Variants in CDK6 observed in about 807,000 individuals in gnomAD.
CDK6 encodes cyclin dependent kinase 6, also known as cyclin-dependent kinase 6.
Under a neutral mutation model 37.1 loss-of-function variants are expected in CDK6, and 6 were observed. The observed-to-expected ratio is 0.16, with a 90% CI of 0.09 to 0.32. CDK6 has a LOEUF of 0.32. CDK6 is among the 10% of genes least tolerant of loss of function. The probability of loss-of-function intolerance (pLI) is 1.00; values close to 1 mark genes in which losing one functional copy is unlikely to be tolerated. For synonymous variants in CDK6, 160 were observed against 161.3 expected (o/e 0.99, Z 0.06); for missense variants, 224 against 418.9 (o/e 0.53, Z 4.06).
At chr7:92,708,720 G>A (rs1259244412) in intron 4 of CDK6, among the ~76,000 whole-genome samples, 2 of 152,244 alleles carry the variant, frequency 1.3e-5, no homozygotes, top group East Asian at 3.9e-4. Flanking sequence ...TTACAATTGG[G>A]ATAAACATTA....
Position 92,763,571 on chromosome 7 carries a change from A to G in CDK6, c.369+11125T>C, listed in dbSNP as rs1314198429. On this transcript the variant is annotated intron_variant, in intron 3 of 7. Transcript: ENST00000424848. Reference sequence around the variant, plus strand: ...TAATTTATATCTCCTATTAATGAGTAAGTATTTTTCAATAGAACATTTTAA... The same window carrying G: ...TAATTTATATCTCCTATTAATGAGTGAGTATTTTTCAATAGAACATTTTAA... Among the ~76,000 whole-genome samples the G allele has an allele frequency of 3.9e-5, 6 of 152,228 alleles. No homozygotes were observed. In the East Asian group the frequency reaches 1.2e-3, roughly 29 times the overall value.
chr7:92,818,031 A>G (rs1373971194), intron 2 of CDK6, among the ~76,000 whole-genome samples: 1 of 152,022 alleles, frequency 6.6e-6, no homozygotes, highest in East Asian at 1.9e-4. Context: ...GTCAGTGTCA[A>G]TATCTATGCC....
chr7:92,733,392 T>C (rs762741439), intron 3 of CDK6, among the ~76,000 whole-genome samples: 17 of 152,218 alleles, frequency 1.1e-4, no homozygotes, highest in Non-Finnish European at 2.2e-4. Flanking sequence ...CCAGCTAATA[T>C]TAGCTTCAGA....
chr7:92,689,144 T>C (rs1797540998), intron 4 of CDK6, among the ~76,000 whole-genome samples: 1 of 152,170 alleles, frequency 6.6e-6, no homozygotes, highest in African/African-American at 2.4e-5. Context: ...GCTCATAGGC[T>C]TTACAGGTAA....
At chr7:92,825,763 T>C (rs965103569) in intron 2 of CDK6, among the ~76,000 whole-genome samples, 1 of 152,192 alleles carries the variant, frequency 6.6e-6, no homozygotes, top group East Asian at 1.9e-4. Context: ...TTGATCAAAA[T>C]GTATTTATAA....
At chr7:92,740,791 AT>A (rs1270027492) in intron 3 of CDK6, among the ~76,000 whole-genome samples, 1 of 152,198 alleles carries the variant, frequency 6.6e-6, no homozygotes, top group Non-Finnish European at 1.5e-5. Context: ...GGGAAACCGA[AT>A]TTGAGAAGCC....
intron 4 of CDK6, among the ~76,000 whole-genome samples, chr7:92,721,475 C>T (rs750449807): frequency 6.6e-5 from 10 of 152,234 alleles, no homozygotes; most frequent in Admixed American, 4.6e-4. Flanking sequence ...TTGCCTAGGA[C>T]CAAGGCAAAC....
chr7:92,661,272 A>T (rs897212306), intron 5 of CDK6, among the ~76,000 whole-genome samples: 18 of 152,340 alleles, frequency 1.2e-4, no homozygotes, highest in African/African-American at 4.3e-4. Context: ...TACCTGTCAA[A>T]TAGGGATGAC....
intron 5 of CDK6, among the ~76,000 whole-genome samples, chr7:92,650,188 T>A (rs1032980846): frequency 5.9e-5 from 9 of 152,170 alleles, no homozygotes; most frequent in African/African-American, 2.2e-4. Flanking sequence ...CTCTAAAATA[T>A]TTTTCTTACC....
intron 2 of CDK6, among the ~76,000 whole-genome samples, chr7:92,788,076 A>G (rs1460606254): frequency 6.6e-6 from 1 of 152,204 alleles, no homozygotes; most frequent in African/African-American, 2.4e-5. Flanking sequence ...AGAAGCTGGA[A>G]AAACTGGTAT....
intron 5 of CDK6, among the ~76,000 whole-genome samples, chr7:92,631,462 C>A (rs1585350565): frequency 6.6e-6 from 1 of 152,178 alleles, no homozygotes; most frequent in African/African-American, 2.4e-5. Flanking sequence ...AGGTTTTATT[C>A]TCTTTTTTCC....
intron 3 of CDK6, among the ~76,000 whole-genome samples, chr7:92,762,278 T>C (rs1274744701): frequency 2.0e-5 from 3 of 152,174 alleles, no homozygotes; most frequent in African/African-American, 4.8e-5. Context: ...TCCTTCTTTT[T>C]TGTGACTCAT....
rs528888923 is a variant in CDK6, at chr7:92,724,506, T to C, written c.537+1120A>G. Among the ~76,000 whole-genome samples, 7 of 152,282 alleles carry C rather than the reference T, an allele frequency of 4.6e-5. No individual in the cohort carries two copies. In the South Asian group the frequency reaches 1.5e-3, roughly 32 times the overall value. ...GGGGGCAGGGGGTGGGGAACACTTTTATAAATTGGATTTTTTCCTAAGGCA... is the reference window on the plus strand; with the variant it reads ...GGGGGCAGGGGGTGGGGAACACTTTCATAAATTGGATTTTTTCCTAAGGCA... On this transcript the variant is annotated intron_variant, in intron 4 of 7. Coordinates refer to ENST00000424848, the MANE Select transcript of CDK6 (RefSeq NM_001145306.2).
intron 3 of CDK6, among the ~76,000 whole-genome samples, chr7:92,753,697 T>C (rs537896522): frequency 6.6e-6 from 1 of 152,292 alleles, no homozygotes; most frequent in Admixed American, 6.5e-5. Flanking sequence ...TCTCTTGCTC[T>C]AAGAGGGCCA....
At chr7:92,661,760 G>A (rs1250469798) in intron 5 of CDK6, among the ~76,000 whole-genome samples, 1 of 152,154 alleles carries the variant, frequency 6.6e-6, no homozygotes, top group Non-Finnish European at 1.5e-5. Flanking sequence ...AGATAGGAGA[G>A]TCAGGCACAC....
At chr7:92,676,515 C>A (rs1398644782) in intron 4 of CDK6, among the ~76,000 whole-genome samples, 1 of 152,084 alleles carries the variant, frequency 6.6e-6, no homozygotes. Flanking sequence ...TTTTTCTATA[C>A]TTCATTTGTC....
Position 92,608,331 on chromosome 7 carries a change from A to G in CDK6, c.*6809T>C, listed in dbSNP as rs950820420. The G allele has an allele frequency of 8.6e-6, 2 of 232,048 alleles. No individual in the cohort carries two copies. The highest frequency in any genetic ancestry group is 4.4e-5 in the African/African-American group (2 of 45,318). The allele number at this position is 232,048 out of a possible 1,614,324, so 14.4% of individuals were successfully genotyped here. A position where few individuals can be genotyped will look rare whatever the true frequency, so the allele number is the denominator to read the frequency against. ...ACATGAAAATCCCCTGCTACATGAG[A>G]TAATTTGTTTACATACCTTTAATTA... On this transcript the variant is annotated 3_prime_UTR_variant, in exon 8 of 8. Coordinates refer to ENST00000424848, the MANE Select transcript of CDK6 (RefSeq NM_001145306.2).
At chr7:92,697,095 G>A (rs1187294219) in intron 4 of CDK6, among the ~76,000 whole-genome samples, 1 of 152,128 alleles carries the variant, frequency 6.6e-6, no homozygotes, top group Admixed American at 6.5e-5. Flanking sequence ...TGTTTTTCAG[G>A]ACTAATAATT....
chr7:92,619,386 T>C (rs1384280310), intron 6 of CDK6, among the ~76,000 whole-genome samples: 3 of 152,176 alleles, frequency 2.0e-5, no homozygotes, highest in African/African-American at 7.2e-5. Context: ...ATGCAGGGAC[T>C]TCTTTCTCAC....
Sources: gnomAD v4.1 joint callset for allele counts (sites outside exome capture counted in the v4.1 genomes callset) on GRCh38, gnomAD v4.1.1 for gene constraint, MANE v1.5 for transcripts, NCBI Gene and HGNC (gene_info 2026-07-23, HGNC 2026-07-21) for gene names.